The following PRDM10 variants were observed in gnomAD, a reference collection of about 807,000 sequenced individuals.
PRDM10 encodes the protein PR/SET domain 10.
Under a neutral mutation model 133.1 loss-of-function variants are expected in PRDM10, and 65 were observed. That is an observed-to-expected ratio of 0.49 (90% CI 0.40 to 0.60). PRDM10 has a LOEUF of 0.60. Among genes scored for constraint, PRDM10 ranks in the 20% least tolerant of loss-of-function variants. The probability of loss-of-function intolerance (pLI) is 0.00; values close to 1 mark genes in which losing one functional copy is unlikely to be tolerated. For missense variants in PRDM10, 1,137 were observed against 1,507.1 expected (o/e 0.75, Z 4.07); for synonymous variants, 582 against 580.4 (o/e 1.00, Z -0.04).
At position 129,900,885 on chromosome 11, in the gene PRDM10, A is replaced by G. The variant is rs991203878; in HGVS notation, c.*1428T>C. 5.2e-5 allele frequency: 8 copies of G among 152,772 alleles called. No homozygotes were observed. The highest frequency in any genetic ancestry group is 3.4e-3 in the Middle Eastern group (1 of 294). 9.5% of individuals were successfully genotyped at this position (152,772 alleles called of 1,614,324 possible). ...ACATCAATAAAGTTCTTTTAACAGA[A>G]TTGTTCACTTTTCAGAAAATTGTCT... On this transcript the variant is annotated 3_prime_UTR_variant, in exon 21 of 21. Transcript: ENST00000360871.
chr11:129,974,771 C>T (rs1004627115), intron 1 of PRDM10, among the ~76,000 whole-genome samples: 3 of 152,186 alleles, frequency 2.0e-5, no homozygotes, highest in Non-Finnish European at 2.9e-5. Context: ...AAAATGCCAA[C>T]GGTGCCCATC....
At chr11:129,970,134 A>G (rs1951987031) in intron 1 of PRDM10, among the ~76,000 whole-genome samples, 1 of 152,248 alleles carries the variant, frequency 6.6e-6, no homozygotes, top group African/African-American at 2.4e-5. Context: ...ACCATGAAAT[A>G]TTAATAGCTG....
chr11:129,968,443 G>A (rs565375835), intron 1 of PRDM10, among the ~76,000 whole-genome samples: 160 of 152,266 alleles, frequency 1.1e-3, no homozygotes, highest in Non-Finnish European at 1.8e-3. Context: ...AAACGGAGGA[G>A]GGTGAGTGCC....
chr11:129,932,330 C>T, intron 9 of PRDM10, 99 bp from the exon 10 acceptor site: 7 of 1,416,344 alleles, frequency 4.9e-6, no homozygotes, highest in Non-Finnish European at 6.7e-6. Flanking sequence ...AGTTTGATTC[C>T]TCTCACCTTA....
intron 1 of PRDM10, among the ~76,000 whole-genome samples, chr11:129,970,301 C>T (rs1951991127): frequency 6.6e-6 from 1 of 152,182 alleles, no homozygotes; most frequent in African/African-American, 2.4e-5. Flanking sequence ...CTGAAGTAGG[C>T]ACATTATATC....
chr11:129,953,440 T>A (rs955143113), intron 4 of PRDM10, among the ~76,000 whole-genome samples: 1 of 151,574 alleles, frequency 6.6e-6, no homozygotes, highest in African/African-American at 2.4e-5. Context: ...ATTACAGGCA[T>A]GCGCCACCAC....
At chr11:129,915,931 T>C in intron 15 of PRDM10, 71 bp from the exon 16 acceptor site, 3 of 1,282,232 alleles carry the variant, frequency 2.3e-6, no homozygotes, top group Non-Finnish European at 3.2e-6. Flanking sequence ...AAACTAACAA[T>C]TTCATTATAA....
chr11:129,942,673 AAT>A, intron 6 of PRDM10, 44 bp from the exon 7 acceptor site: 1 of 1,482,336 alleles, frequency 6.7e-7, no homozygotes, highest in African/African-American at 1.4e-5. Flanking sequence ...CAAAACCTTC[AAT>A]ATGAGACACA....
intron 8 of PRDM10, among the ~76,000 whole-genome samples, chr11:129,936,398 A>G (rs1951030782): frequency 6.6e-6 from 1 of 152,144 alleles, no homozygotes; most frequent in African/African-American, 2.4e-5. Context: ...TCACGCCTAT[A>G]ATCCCAGCAC....
rs1555114095 is a variant in PRDM10 at position 129,985,809 on chromosome 11, AATATAT to A, written c.-119+16907_-119+16912del. 2.7e-3 allele frequency among the ~76,000 whole-genome samples: 166 copies of A among 61,076 alleles called. 1 individual carries two copies. Among genetic ancestry groups the A allele is most frequent in the African/African-American group, 7.5e-3 (92 of 12,262 alleles). The allele number at this position is 61,076 out of a possible 152,430, so 40.1% of individuals were successfully genotyped here. On this transcript the variant is annotated intron_variant, in intron 1 of 20. Coordinates refer to ENST00000360871, the MANE Select transcript of PRDM10 (RefSeq NM_199437.2). ...AAAAAAAAAAAAAAAAAAAAAAAAA[AATATAT>A]ATATATATATATATATATGTATATA...
At position 129,947,838 on chromosome 11, in the gene PRDM10, G is replaced by A. The variant is rs1467459910; in HGVS notation, c.295-468C>T. On this transcript the variant is annotated intron_variant, in intron 4 of 20. Transcript: ENST00000360871. The surrounding 1 kb of genome is among the most constrained non-coding windows in gnomAD (Gnocchi z 4.6). Reference sequence around the variant, plus strand: ...AGACCGTTTCGATGTGTGCACATGTGAGGTATCATCAGTTTCCACATCTGA... The same window carrying A: ...AGACCGTTTCGATGTGTGCACATGTAAGGTATCATCAGTTTCCACATCTGA... 6.6e-6 allele frequency among the ~76,000 whole-genome samples: 1 copy of A among 152,192 alleles called. No homozygotes were observed. The highest frequency in any genetic ancestry group is 2.4e-5 in the African/African-American group (1 of 41,450).
chr11:130,000,674 G>A (rs945002602), intron 1 of PRDM10, among the ~76,000 whole-genome samples: 3 of 152,172 alleles, frequency 2.0e-5, no homozygotes, highest in Admixed American at 2.0e-4. Flanking sequence ...CAGCATAGCA[G>A]AGTGGGAGCT....
chr11:129,942,664 A>C (rs746042225), intron 6 of PRDM10, 35 bp from the exon 7 acceptor site: 119 of 1,538,120 alleles, frequency 7.7e-5, no homozygotes, highest in Non-Finnish European at 1.0e-4. Flanking sequence ...AAAACAAAAC[A>C]AAACCTTCAA....
intron 1 of PRDM10, among the ~76,000 whole-genome samples, chr11:130,000,850 C>G (rs541143579): frequency 6.6e-6 from 1 of 152,292 alleles, no homozygotes; most frequent in South Asian, 2.1e-4. Flanking sequence ...CCCATGCCTG[C>G]AATCCCAGCA....
chr11:129,908,489 T>A (rs1591570192), intron 19 of PRDM10, among the ~76,000 whole-genome samples: 1 of 152,122 alleles, frequency 6.6e-6, no homozygotes, highest in Non-Finnish European at 1.5e-5. Context: ...CTTTTTCTTT[T>A]AGAGGTAGGT....
At chr11:129,957,954 G>GT (rs1461743098) in intron 2 of PRDM10, 44 bp from the exon 3 acceptor site, 1 of 1,560,606 alleles carries the variant, frequency 6.4e-7, no homozygotes, top group Non-Finnish European at 8.7e-7. Context: ...TATCAGGAAG[G>GT]TAAGTGATCA....
At chr11:129,968,652 T>C (rs947870255) in intron 1 of PRDM10, among the ~76,000 whole-genome samples, 3 of 151,138 alleles carry the variant, frequency 2.0e-5, no homozygotes, top group Admixed American at 6.6e-5. Flanking sequence ...ACTAAGCCCT[T>C]CTCAGCTAAA....
intron 19 of PRDM10, among the ~76,000 whole-genome samples, chr11:129,908,720 A>G (rs1209589250): frequency 6.6e-6 from 1 of 152,136 alleles, no homozygotes; most frequent in Non-Finnish European, 1.5e-5. Context: ...TCTACAGGTT[A>G]GAATGCTAGT....
intron 17 of PRDM10, 37 bp from the exon 18 acceptor site, chr11:129,912,262 A>G (rs2135734053): frequency 6.9e-7 from 1 of 1,452,004 alleles, no homozygotes; most frequent in Non-Finnish European, 9.3e-7. Context: ...AACCAGACAT[A>G]TATTGATTGA....
Sources: allele counts gnomAD v4.1 joint callset (sites outside exome capture counted in the v4.1 genomes callset), GRCh38; gene constraint gnomAD v4.1.1; non-coding constraint Gnocchi (gnomAD v3.1); transcripts MANE v1.5; gene names NCBI Gene and HGNC (gene_info 2026-07-23, HGNC 2026-07-21).